Variants in DAB1 observed in about 807,000 individuals in gnomAD.
DAB1 encodes the protein disabled homolog 1.
A neutral mutation model predicts 64.6 loss-of-function variants in DAB1; 15 were observed. That is an observed-to-expected ratio of 0.23 (90% CI 0.16 to 0.36). DAB1 has a LOEUF of 0.36. Ranked by LOEUF, DAB1 falls within the 10% of genes least tolerant of loss-of-function variation. The pLI is 1.00. For synonymous variants in DAB1, 235 were observed against 251.9 expected (o/e 0.93, Z 0.64); for missense variants, 596 against 706.7 (o/e 0.84, Z 1.78).
At chr1:57,650,027 G>A (rs375827961) in intron 6 of DAB1, among the ~76,000 whole-genome samples, 146 of 152,330 alleles carry the variant, frequency 9.6e-4, no homozygotes, top group African/African-American at 3.4e-3. Flanking sequence ...TTTCTAAAGG[G>A]CTTGGGCTCT....
chr1:57,940,249 C>A (rs1645083761), intron 5 of DAB1, among the ~76,000 whole-genome samples: 1 of 152,146 alleles, frequency 6.6e-6, no homozygotes, highest in Non-Finnish European at 1.5e-5. Context: ...ATGATGCCGG[C>A]TGTATATTGA....
chr1:57,395,454 G>A (rs763440881), intron 1 of DAB1, among the ~76,000 whole-genome samples: 1 of 152,098 alleles, frequency 6.6e-6, no homozygotes, highest in Non-Finnish European at 1.5e-5. Context: ...CACATATCAC[G>A]GGAAACGTAA....
At chr1:57,640,288 G>T (rs1646112818) in intron 7 of DAB1, among the ~76,000 whole-genome samples, 1 of 152,056 alleles carries the variant, frequency 6.6e-6, no homozygotes, top group South Asian at 2.1e-4. Flanking sequence ...TCTAGTTGAG[G>T]GGTATGTTTC....
intron 9 of DAB1, among the ~76,000 whole-genome samples, chr1:57,029,382 C>T (rs556081215): frequency 6.6e-6 from 1 of 152,340 alleles, no homozygotes; most frequent in Non-Finnish European, 1.5e-5. Flanking sequence ...CTCAGGAAAA[C>T]TCCTGCTAGG....
intron 6 of DAB1, among the ~76,000 whole-genome samples, chr1:57,744,710 G>T (rs1648178738): frequency 6.6e-6 from 1 of 152,142 alleles, no homozygotes; most frequent in Non-Finnish European, 1.5e-5. Context: ...ATTCGATGAG[G>T]TACTCACAGA....
chr1:57,250,869 T>C (rs190397315), intron 2 of DAB1, among the ~76,000 whole-genome samples: 1 of 152,334 alleles, frequency 6.6e-6, no homozygotes, highest in East Asian at 1.9e-4. Flanking sequence ...TCTGAGACCA[T>C]GGAGACATGA....
chr1:58,162,587 C>CAT (rs147786004), intron 4 of DAB1, among the ~76,000 whole-genome samples: 1,749 of 152,292 alleles, frequency 0.011, 36 homozygotes, highest in African/African-American at 0.04. Context: ...TACACAAACA[C>CAT]ATTCACAAAC....
intron 5 of DAB1, among the ~76,000 whole-genome samples, chr1:58,123,822 C>T (rs1652894941): frequency 6.6e-6 from 1 of 152,116 alleles, no homozygotes; most frequent in Non-Finnish European, 1.5e-5. Context: ...GTGCCCAGTA[C>T]TGAGCAAAGG....
chr1:57,626,362 T>C (rs1015784883), intron 7 of DAB1, among the ~76,000 whole-genome samples: 1 of 152,190 alleles, frequency 6.6e-6, no homozygotes, highest in African/African-American at 2.4e-5. Context: ...AATCTATTAC[T>C]AGAAGATGAC....
At chr1:58,029,456 C>T (rs1296795375) in intron 5 of DAB1, among the ~76,000 whole-genome samples, 2 of 152,132 alleles carry the variant, frequency 1.3e-5, no homozygotes, top group East Asian at 1.9e-4. Context: ...CGGATATTGA[C>T]GAACAGGGGT....
At chr1:57,213,563 C>A (rs1283577832) in intron 2 of DAB1, among the ~76,000 whole-genome samples, 3 of 152,194 alleles carry the variant, frequency 2.0e-5, no homozygotes, top group Admixed American at 2.0e-4. Context: ...CTGGCTCCAC[C>A]AGGCCCCAGA....
intron 5 of DAB1, among the ~76,000 whole-genome samples, chr1:57,941,189 T>G (rs918501498): frequency 6.6e-6 from 1 of 152,226 alleles, no homozygotes; most frequent in Non-Finnish European, 1.5e-5. Context: ...AGTTGTGGAC[T>G]CAAGCGCAGA....
intron 4 of DAB1, among the ~76,000 whole-genome samples, chr1:58,195,486 G>GA (rs1657628524): frequency 6.6e-6 from 1 of 152,064 alleles, no homozygotes; most frequent in Admixed American, 6.5e-5. Context: ...AAGAGATAGA[G>GA]AAAAAAGGAA....
chr1:57,460,554 CT>C (rs1686748385), intron 7 of DAB1, among the ~76,000 whole-genome samples: 1 of 152,178 alleles, frequency 6.6e-6, no homozygotes, highest in Non-Finnish European at 1.5e-5. Flanking sequence ...TGCATCTGCT[CT>C]TCCTAATTTG....
intron 4 of DAB1, among the ~76,000 whole-genome samples, chr1:58,192,668 T>C (rs907657915): frequency 6.6e-6 from 1 of 152,178 alleles, no homozygotes; most frequent in African/African-American, 2.4e-5. Flanking sequence ...TATGTGTGTG[T>C]GTGTATGTAT....
At chr1:57,438,324 G>A (rs61138078) in intron 7 of DAB1, among the ~76,000 whole-genome samples, 29,790 of 152,040 alleles carry the variant, frequency 0.2, 3,161 homozygotes, top group African/African-American at 0.24. Flanking sequence ...CTGAGAGCTA[G>A]GGATCTCATT....
At chr1:57,184,671 T>A (rs1222199581) in intron 2 of DAB1, among the ~76,000 whole-genome samples, 1 of 152,100 alleles carries the variant, frequency 6.6e-6, no homozygotes, top group Non-Finnish European at 1.5e-5. Context: ...TATGCTCCAA[T>A]CCCACCAAAT....
At chr1:58,353,227 T>C (rs976147143) in intron 3 of DAB1, among the ~76,000 whole-genome samples, 3 of 152,182 alleles carry the variant, frequency 2.0e-5, no homozygotes, top group African/African-American at 7.2e-5. Flanking sequence ...TATTTTCCCA[T>C]CATTTTAATG....
intron 4 of DAB1, among the ~76,000 whole-genome samples, chr1:58,218,325 C>T (rs769198469): frequency 6.6e-6 from 1 of 152,150 alleles, no homozygotes; most frequent in African/African-American, 2.4e-5. Flanking sequence ...TGGAGTAGGA[C>T]ACCTTGTGCT....
Sources: allele counts gnomAD v4.1 joint callset (sites outside exome capture counted in the v4.1 genomes callset), GRCh38; gene constraint gnomAD v4.1.1; transcripts MANE v1.5; gene names NCBI Gene and HGNC (gene_info 2026-07-23, HGNC 2026-07-21).